CSMD1: variants seen among roughly 807,000 people sequenced by gnomAD.
CSMD1 encodes CUB and sushi domain-containing protein 1.
In CSMD1, 213 loss-of-function variants were observed where a neutral mutation model predicts 417.5. The ratio of observed to expected loss-of-function variants is 0.51; its 90% CI spans 0.46 to 0.57. The LOEUF is 0.57. CSMD1 is among the 20% of genes least tolerant of loss of function. The pLI, the probability that CSMD1 is intolerant of heterozygous loss-of-function variation, is 0.00. For synonymous variants in CSMD1, 2,862 were observed against 1,736.8 expected (o/e 1.65, Z -16.11); for missense variants, 6,923 against 4,529.7 (o/e 1.53, Z -15.17).
At chr8:2,982,187 C>G (rs1034581873) in intron 54 of CSMD1, among the ~76,000 whole-genome samples, 1 of 152,060 alleles carries the variant, frequency 6.6e-6, no homozygotes, top group African/African-American at 2.4e-5. Flanking sequence ...GAAACCCCAT[C>G]TCTATTAAAA....
intron 7 of CSMD1, among the ~76,000 whole-genome samples, chr8:3,643,558 G>A (rs747386600): frequency 1.3e-5 from 2 of 152,054 alleles, no homozygotes; most frequent in South Asian, 2.1e-4. Context: ...AAAATTGGCC[G>A]GGCGTGGTGG....
At chr8:4,843,343 A>C (rs546284000) in intron 1 of CSMD1, among the ~76,000 whole-genome samples, 66 of 152,334 alleles carry the variant, frequency 4.3e-4, no homozygotes, top group African/African-American at 1.5e-3. Flanking sequence ...AAAACTTAGT[A>C]TCTTATTAAA....
intron 5 of CSMD1, among the ~76,000 whole-genome samples, chr8:3,880,598 A>G (rs1375738301): frequency 2.6e-5 from 4 of 152,216 alleles, no homozygotes; most frequent in Non-Finnish European, 5.9e-5. Context: ...AAATAGTACT[A>G]TATTTTTGGA....
At chr8:4,227,421 G>C (rs956703558) in intron 3 of CSMD1, among the ~76,000 whole-genome samples, 1 of 152,082 alleles carries the variant, frequency 6.6e-6, no homozygotes, top group Non-Finnish European at 1.5e-5. Context: ...TCCATTATAA[G>C]AACCCTATGG....
At chr8:4,949,102 T>C (rs1308558203) in intron 1 of CSMD1, among the ~76,000 whole-genome samples, 1 of 152,162 alleles carries the variant, frequency 6.6e-6, no homozygotes, top group East Asian at 1.9e-4. Context: ...CTTTAATCTG[T>C]AAATGTGGTA....
intron 3 of CSMD1, among the ~76,000 whole-genome samples, chr8:4,323,400 G>A (rs950447039): frequency 9.2e-5 from 14 of 152,144 alleles, no homozygotes; most frequent in African/African-American, 3.1e-4. Flanking sequence ...TAATTTCACA[G>A]CCTTGTTCCA....
intron 2 of CSMD1, among the ~76,000 whole-genome samples, chr8:4,550,896 A>G (rs1375041882): frequency 2.0e-5 from 3 of 152,126 alleles, no homozygotes; most frequent in African/African-American, 7.2e-5. Context: ...CATACTAGAA[A>G]ACGGAGACCC....
At chr8:4,355,500 G>A (rs993406373) in intron 3 of CSMD1, among the ~76,000 whole-genome samples, 3 of 152,052 alleles carry the variant, frequency 2.0e-5, no homozygotes, top group African/African-American at 7.2e-5. Flanking sequence ...GTGAATGAAA[G>A]GGAACATTCA....
At chr8:4,472,393 T>C (rs34432088) in intron 2 of CSMD1, among the ~76,000 whole-genome samples, 74,435 of 151,920 alleles carry the variant, frequency 0.49, 19,834 homozygotes, top group Non-Finnish European at 0.59. Context: ...AGTGCTTCAC[T>C]GTAGTCTCTT....
At chr8:4,052,247 G>T (rs1798471466) in intron 3 of CSMD1, among the ~76,000 whole-genome samples, 5 of 152,118 alleles carry the variant, frequency 3.3e-5, no homozygotes, top group African/African-American at 9.7e-5. Flanking sequence ...TTTCTGAGAG[G>T]GTGGGAGTCC....
chr8:4,307,855 A>C (rs1334687280), intron 3 of CSMD1, among the ~76,000 whole-genome samples: 3 of 152,178 alleles, frequency 2.0e-5, no homozygotes, highest in African/African-American at 7.2e-5. Context: ...ACTCAACAGA[A>C]ATCTTCACTG....
In CSMD1 at chr8:2,966,593, G is replaced by T; in HGVS notation, c.9077C>A (p.Thr3026Lys). The T allele has an allele frequency of 6.2e-7, 1 of 1,613,704 alleles. No homozygotes were observed. The highest frequency in any genetic ancestry group is 8.5e-7 in the Non-Finnish European group (1 of 1,179,738). Residue 3026 changes from threonine (T) to lysine (K), a missense_variant, in exon 58 of 70, where the codon ACA (threonine) becomes AAA (lysine). Thr to Lys is a moderately conservative substitution (Grantham distance 78). Coordinates refer to ENST00000635120, the MANE Select transcript of CSMD1 (RefSeq NM_033225.6). Reference sequence around the variant, plus strand: ...ACTTGTGCAGTCGGGAGCAGTGCCTGTCCAGGTCCCATTGGCTGTGCAATG... The same window carrying T: ...ACTTGTGCAGTCGGGAGCAGTGCCTTTCCAGGTCCCATTGGCTGTGCAATG... ...TRHCTANGTW[T>K]GTAPDCTIIS... is the part of the protein sequence containing the mutation.
intron 26 of CSMD1, among the ~76,000 whole-genome samples, chr8:3,254,443 T>C (rs2117050001): frequency 6.6e-6 from 1 of 152,330 alleles, no homozygotes; most frequent in Middle Eastern, 3.4e-3. Flanking sequence ...TTGGGGAAGT[T>C]CTCCTGGTTT....
rs923846260 is a variant in CSMD1, at chr8:3,216,015, C to A, written c.4673-1324G>T. Among the ~76,000 whole-genome samples, 9 of 148,802 alleles carry A rather than the reference C, an allele frequency of 6.0e-5. No individual in the cohort carries two copies. In the East Asian group the frequency reaches 1.6e-3, roughly 26 times the overall value. On this transcript the variant is annotated intron_variant, in intron 29 of 69. Coordinates refer to ENST00000635120, the MANE Select transcript of CSMD1 (RefSeq NM_033225.6). The stretch of plus-strand genomic sequence containing the variant: ...TATTATATTTAATAAACTATATTTC[C>A]TATATAATTTACATACTTTGATTAA...
Position 4,456,079 on chromosome 8 carries a change from AAAAT to A in CSMD1, c.303-36018_303-36015del, listed in dbSNP as rs1331690302. ...TTGACCAAAAAAAAAAAAAAAAAAA[AAAAT>A]GTGAAAGTACGTACTGCACACTTAA... On this transcript the variant is annotated intron_variant, in intron 2 of 69. Transcript: ENST00000635120. Among the ~76,000 whole-genome samples the A allele has an allele frequency of 2.3e-3, 293 of 125,610 alleles. 1 individual carries two copies. Among genetic ancestry groups the A allele is most frequent in the African/African-American group, 8.5e-3 (281 of 33,216 alleles). The allele number at this position is 125,610 out of a possible 152,430, so 82.4% of individuals were successfully genotyped here.
At chr8:3,496,319 G>C (rs561095060) in intron 10 of CSMD1, among the ~76,000 whole-genome samples, 1 of 152,202 alleles carries the variant, frequency 6.6e-6, no homozygotes, top group Non-Finnish European at 1.5e-5. Flanking sequence ...TGGTTGGTTT[G>C]CTGTTCTGCC....
intron 1 of CSMD1, among the ~76,000 whole-genome samples, chr8:4,763,380 G>A (rs1400601957): frequency 1.3e-5 from 2 of 152,112 alleles, no homozygotes; most frequent in Non-Finnish European, 2.9e-5. Context: ...CCTGTTCTAG[G>A]TTTTTAGGCA....
chr8:3,344,750 A>G (rs1807878782), intron 22 of CSMD1, among the ~76,000 whole-genome samples: 3 of 152,314 alleles, frequency 2.0e-5, no homozygotes, highest in Middle Eastern at 3.4e-3. Flanking sequence ...CTTTCAATCA[A>G]TATATAAACC....
chr8:4,308,812 T>C (rs371050292), intron 3 of CSMD1, among the ~76,000 whole-genome samples: 8 of 152,344 alleles, frequency 5.3e-5, no homozygotes, highest in East Asian at 1.9e-4. Flanking sequence ...TATTATGCTA[T>C]TGTTTCCTTC....
Sources: gnomAD v4.1 joint callset for allele counts (sites outside exome capture counted in the v4.1 genomes callset) on GRCh38, gnomAD v4.1.1 for gene constraint, MANE v1.5 for transcripts, NCBI Gene and HGNC (gene_info 2026-07-23, HGNC 2026-07-21) for gene names.